Variants in IL1RAPL1 observed in about 807,000 individuals in gnomAD.
IL1RAPL1 encodes interleukin-1 receptor accessory protein-like 1.
A neutral mutation model predicts 48.4 loss-of-function variants in IL1RAPL1; 3 were observed. The ratio of observed to expected loss-of-function variants is 0.06; its 90% confidence interval spans 0.03 to 0.16. The LOEUF (loss-of-function observed/expected upper bound fraction) is 0.16, where lower values mean the gene tolerates loss of function less well. Among genes scored for constraint, IL1RAPL1 ranks in the 10% least tolerant of loss-of-function variants. The pLI, the probability that IL1RAPL1 is intolerant of heterozygous loss-of-function variation, is 1.00. For synonymous variants in IL1RAPL1, 185 were observed against 187.7 expected (o/e 0.99, Z 0.12); for missense variants, 349 against 530.6 (o/e 0.66, Z 3.36).
At chrX:29,009,988 T>C (rs1926085418) in intron 2 of IL1RAPL1, among the ~76,000 whole-genome samples, 1 of 112,022 alleles carries the variant, frequency 8.9e-6, no homozygotes, top group Non-Finnish European at 1.9e-5. Context: ...GTTAGATGTA[T>C]TCTTAGGTAT....
rs59836290 is a variant in IL1RAPL1 at position 29,543,115 on chromosome X, T to TTCTCTCTCTCTCTC, written c.704-125294_704-125281dup. Reference sequence around the variant, plus strand: ...TGTTTGACCATAGCAATCTGTTCGTTTCTCTCTCTCTCTCTCTCTCTCTCT... The same window carrying TTCTCTCTCTCTCTC: ...TGTTTGACCATAGCAATCTGTTCGTTTCTCTCTCTCTCTCTCTCTCTCTCTCTCTCTCTCTCTCT... On this transcript the variant is annotated intron_variant, in intron 5 of 10. Transcript: ENST00000378993. Among the ~76,000 whole-genome samples the TTCTCTCTCTCTCTC allele has an allele frequency of 2.0e-3, 184 of 91,682 alleles. 1 individual carries two copies. The highest frequency in any genetic ancestry group is 0.017 in the Middle Eastern group (3 of 175). The allele number at this position is 91,682 out of a possible 115,157, so 79.6% of individuals were successfully genotyped here.
intron 2 of IL1RAPL1, among the ~76,000 whole-genome samples, chrX:29,190,094 T>A (rs2147526571): frequency 8.9e-6 from 1 of 111,913 alleles, no homozygotes; most frequent in Admixed American, 9.5e-5. Flanking sequence ...TGACTAATAC[T>A]TACTACCTTA....
intron 1 of IL1RAPL1, among the ~76,000 whole-genome samples, chrX:28,758,042 T>C (rs1936124758): frequency 8.9e-6 from 1 of 112,218 alleles, no homozygotes; most frequent in African/African-American, 3.2e-5. Flanking sequence ...GACTAATATA[T>C]TTTAAATGGG....
chrX:28,676,540 C>T (rs1271556816), intron 1 of IL1RAPL1, among the ~76,000 whole-genome samples: 1 of 111,148 alleles, frequency 9.0e-6, no homozygotes, highest in Non-Finnish European at 1.9e-5. Flanking sequence ...TGAGACCAGC[C>T]TGGCCAACGT....
At chrX:28,902,795 T>C (rs996520436) in intron 2 of IL1RAPL1, among the ~76,000 whole-genome samples, 1 of 111,604 alleles carries the variant, frequency 9.0e-6, no homozygotes. Flanking sequence ...GAGTGAGCAT[T>C]ACTGCCTGAG....
chrX:29,196,415 C>T (rs1000078408), intron 2 of IL1RAPL1, among the ~76,000 whole-genome samples: 1 of 112,379 alleles, frequency 8.9e-6, no homozygotes, highest in Non-Finnish European at 1.9e-5. Context: ...TGCTTTCCTA[C>T]TTAAAGCTGC....
intron 5 of IL1RAPL1, among the ~76,000 whole-genome samples, chrX:29,421,134 T>G (rs969773262): frequency 8.9e-6 from 1 of 112,418 alleles, no homozygotes; most frequent in African/African-American, 3.2e-5. Context: ...AAACTTGTGT[T>G]GTAGGACTTT....
intron 2 of IL1RAPL1, among the ~76,000 whole-genome samples, chrX:29,050,970 A>C (rs1288595984): frequency 8.9e-6 from 1 of 112,686 alleles, no homozygotes; most frequent in Non-Finnish European, 1.9e-5. Context: ...GGAATAGATC[A>C]GTCTCAGGTT....
At chrX:28,801,694 A>G (rs73208035) in intron 2 of IL1RAPL1, among the ~76,000 whole-genome samples, 8,821 of 111,132 alleles carry the variant, frequency 0.079, 373 homozygotes, top group Middle Eastern at 0.12. Flanking sequence ...TTTTGCCATT[A>G]CTTTCAATGG....
intron 6 of IL1RAPL1, among the ~76,000 whole-genome samples, chrX:29,884,597 G>A (rs1932103264): frequency 9.0e-6 from 1 of 110,949 alleles, no homozygotes; most frequent in African/African-American, 3.3e-5. Flanking sequence ...CTATCTATAT[G>A]CCAGTGCCTC....
At chrX:28,872,706 C>T (rs996125399) in intron 2 of IL1RAPL1, among the ~76,000 whole-genome samples, 1 of 111,956 alleles carries the variant, frequency 8.9e-6, no homozygotes, top group African/African-American at 3.3e-5. Flanking sequence ...TAGTTTTGTC[C>T]TCCATGGGTA....
intron 2 of IL1RAPL1, among the ~76,000 whole-genome samples, chrX:28,876,754 G>GAA (rs4024039): frequency 0.42 from 42,695 of 101,343 alleles, 6,729 homozygotes; most frequent in Middle Eastern, 0.59. Flanking sequence ...ATTCTTGCTG[G>GAA]AAAAAAAAAA....
At chrX:29,582,355 T>TC (rs199684477) in intron 5 of IL1RAPL1, among the ~76,000 whole-genome samples, 20,967 of 78,744 alleles carry the variant, frequency 0.27, 3,240 homozygotes, top group African/African-American at 0.59. Context: ...GCATCTTTTT[T>TC]TTTTTATTTT....
chrX:29,916,320 G>A (rs901485403), intron 6 of IL1RAPL1, among the ~76,000 whole-genome samples: 7 of 111,393 alleles, frequency 6.3e-5, no homozygotes, highest in African/African-American at 1.3e-4. Flanking sequence ...CTGAGGAATC[G>A]CCACACTGAC....
chrX:28,621,494 T>G (rs913016052), intron 1 of IL1RAPL1, among the ~76,000 whole-genome samples: 1 of 112,038 alleles, frequency 8.9e-6, no homozygotes, highest in Non-Finnish European at 1.9e-5. Flanking sequence ...TGTGGCACTT[T>G]TGAGGCTCTG....
chrX:29,948,912 T>C (rs1225216514), intron 9 of IL1RAPL1, among the ~76,000 whole-genome samples: 1 of 109,536 alleles, frequency 9.1e-6, no homozygotes, highest in Non-Finnish European at 1.9e-5. Flanking sequence ...TGTTTAGAGG[T>C]TAAAAACTCC....
At chrX:29,535,134 CAAAAAAAAAAAAA>C (rs35842937) in intron 5 of IL1RAPL1, among the ~76,000 whole-genome samples, 4 of 22,583 alleles carry the variant, frequency 1.8e-4, no homozygotes, top group Non-Finnish European at 2.1e-4. Context: ...ACTCTGTCTC[CAAAAAAAAAAAAA>C]AAAAAAAAAA....
intron 1 of IL1RAPL1, among the ~76,000 whole-genome samples, chrX:28,599,827 A>G (rs1187403434): frequency 8.9e-6 from 1 of 112,139 alleles, no homozygotes; most frequent in Non-Finnish European, 1.9e-5. Flanking sequence ...TTTCTGAGGC[A>G]GAGAAACTGA....
At chrX:29,080,047 A>AT (rs930261921) in intron 2 of IL1RAPL1, among the ~76,000 whole-genome samples, 10 of 110,891 alleles carry the variant, frequency 9.0e-5, no homozygotes, top group African/African-American at 2.6e-4. Flanking sequence ...TTGTTCTTGG[A>AT]TTTTTTTTAG....
Sources: allele counts gnomAD v4.1 joint callset (sites outside exome capture counted in the v4.1 genomes callset), GRCh38; gene constraint gnomAD v4.1.1; transcripts MANE v1.5; gene names NCBI Gene and HGNC (gene_info 2026-07-23, HGNC 2026-07-21).